The following BRINP1 variants were observed in gnomAD, a reference collection of about 807,000 sequenced individuals.
BRINP1 encodes BMP/retinoic acid inducible neural specific 1.
Under a neutral mutation model 72.9 loss-of-function variants are expected in BRINP1, and 17 were observed. That is an observed-to-expected ratio of 0.23 (90% CI 0.16 to 0.35). The LOEUF (loss-of-function observed/expected upper bound fraction) is 0.35. BRINP1 is among the 10% of genes least tolerant of loss of function. BRINP1 has a pLI of 1.00. For missense variants in BRINP1, 850 were observed against 1,001.6 expected (o/e 0.85, Z 2.04); for synonymous variants, 418 against 378.5 (o/e 1.10, Z -1.21).
At chr9:119,246,320 T>C (rs1830315894) in intron 3 of BRINP1, among the ~76,000 whole-genome samples, 1 of 152,154 alleles carries the variant, frequency 6.6e-6, no homozygotes, top group Non-Finnish European at 1.5e-5. Context: ...ATCATCTGTG[T>C]GGGTACAATC....
chr9:119,337,488 G>C (rs1038551119), intron 1 of BRINP1, among the ~76,000 whole-genome samples: 1 of 152,196 alleles, frequency 6.6e-6, no homozygotes, highest in South Asian at 2.1e-4. Context: ...CTCTAGCCCT[G>C]TGAGTGTCAA....
chr9:119,198,829 G>C (rs1228804552), intron 7 of BRINP1, among the ~76,000 whole-genome samples: 3 of 151,922 alleles, frequency 2.0e-5, no homozygotes, highest in East Asian at 3.9e-4. Flanking sequence ...GCATCACCAC[G>C]CCAGGCTGAT....
At chr9:119,169,506 T>C (rs1829373332) in intron 7 of BRINP1, among the ~76,000 whole-genome samples, 1 of 152,162 alleles carries the variant, frequency 6.6e-6, no homozygotes. Flanking sequence ...CGCTGATTGC[T>C]AGCGCAGCAG....
At chr9:119,229,337 C>A (rs1830125441) in intron 5 of BRINP1, among the ~76,000 whole-genome samples, 1 of 151,846 alleles carries the variant, frequency 6.6e-6, no homozygotes, top group Non-Finnish European at 1.5e-5. Flanking sequence ...TTAATCTAAG[C>A]CAGACATAAT....
At chr9:119,232,540 T>G (rs963610776) in intron 5 of BRINP1, among the ~76,000 whole-genome samples, 2 of 152,116 alleles carry the variant, frequency 1.3e-5, no homozygotes, top group Non-Finnish European at 2.9e-5. Context: ...TATAAAGAAG[T>G]TTTTTTATTT....
intron 5 of BRINP1, among the ~76,000 whole-genome samples, chr9:119,237,989 A>G (rs1830209225): frequency 6.6e-6 from 1 of 152,162 alleles, no homozygotes; most frequent in African/African-American, 2.4e-5. Flanking sequence ...AATTATTAAG[A>G]TCATGCCACC....
intron 1 of BRINP1, among the ~76,000 whole-genome samples, chr9:119,351,297 G>C (rs1418675811): frequency 6.6e-6 from 1 of 152,124 alleles, no homozygotes; most frequent in African/African-American, 2.4e-5. Flanking sequence ...GAGCTGCCCT[G>C]ATACGAAATG....
intron 7 of BRINP1, among the ~76,000 whole-genome samples, chr9:119,203,503 G>A (rs867972588): frequency 6.6e-6 from 1 of 152,196 alleles, no homozygotes; most frequent in African/African-American, 2.4e-5. Context: ...CATGTATTGA[G>A]TGCTATCCAT....
intron 2 of BRINP1, among the ~76,000 whole-genome samples, chr9:119,265,064 C>G (rs1213909150): frequency 6.6e-6 from 1 of 152,204 alleles, no homozygotes; most frequent in Non-Finnish European, 1.5e-5. Context: ...CAAACACACT[C>G]TAACTTCCAA....
At chr9:119,249,861 AGGGAGGGAGGG>A (rs1564228591) in intron 2 of BRINP1, among the ~76,000 whole-genome samples, 1 of 45,688 alleles carries the variant, frequency 2.2e-5, no homozygotes, top group African/African-American at 1.2e-4. Flanking sequence ...GAAGGGAGGG[AGGGAGGGAGGG>A]AGGGAAGGGA....
At chr9:119,315,541 G>A (rs556970121) in intron 1 of BRINP1, among the ~76,000 whole-genome samples, 36 of 151,708 alleles carry the variant, frequency 2.4e-4, no homozygotes, top group African/African-American at 4.6e-4. Flanking sequence ...TAATAACACC[G>A]AAATTAAGCC....
rs528523151 is a variant in BRINP1, at chr9:119,221,048, A to T, written c.686-6893T>A. ...TTGCTCTTTTCTGACCTATTTCATT[A>T]GATATTAAATACACGATTTCTTACA... On this transcript the variant is annotated intron_variant, in intron 5 of 7. Transcript: ENST00000265922. Among the ~76,000 whole-genome samples, 4 of 152,294 alleles carry T rather than the reference A, an allele frequency of 2.6e-5. No individual in the cohort carries two copies. The South Asian group carries it at 8.3e-4, about 32-fold the overall frequency.
chr9:119,255,876 A>G (rs1588179714), intron 2 of BRINP1, among the ~76,000 whole-genome samples: 1 of 140,910 alleles, frequency 7.1e-6, no homozygotes, highest in African/African-American at 2.6e-5. Flanking sequence ...AATCTCTTGA[A>G]CCCGGGAGGC....
intron 3 of BRINP1, among the ~76,000 whole-genome samples, chr9:119,247,805 A>G: frequency 6.6e-6 from 1 of 152,134 alleles, no homozygotes; most frequent in Non-Finnish European, 1.5e-5. Context: ...TTCCTTATTT[A>G]TAAAATGGAG....
At chr9:119,183,072 A>G (rs1355668790) in intron 7 of BRINP1, among the ~76,000 whole-genome samples, 3 of 152,254 alleles carry the variant, frequency 2.0e-5, no homozygotes, top group African/African-American at 7.2e-5. Flanking sequence ...ACTGCTAGGA[A>G]CAAAACTTGC....
intron 2 of BRINP1, among the ~76,000 whole-genome samples, chr9:119,306,239 C>G (rs546916393): frequency 6.6e-6 from 1 of 152,098 alleles, no homozygotes; most frequent in East Asian, 1.9e-4. Context: ...ACACTGTAAA[C>G]GTACCAATTT....
intron 2 of BRINP1, among the ~76,000 whole-genome samples, chr9:119,309,934 G>C (rs1831043634): frequency 6.6e-6 from 1 of 152,126 alleles, no homozygotes; most frequent in African/African-American, 2.4e-5. Flanking sequence ...AACAATAAAT[G>C]TATGAGTGAG....
chr9:119,175,118 AT>A (rs1158994818), intron 7 of BRINP1, among the ~76,000 whole-genome samples: 4,019 of 109,198 alleles, frequency 0.037, 125 homozygotes, highest in African/African-American at 0.13. Context: ...AAAGTAAAGT[AT>A]AAAAAAAAAA....
intron 2 of BRINP1, among the ~76,000 whole-genome samples, chr9:119,286,060 T>C (rs1830757592): frequency 6.6e-6 from 1 of 152,156 alleles, no homozygotes. Context: ...ATCATTAATA[T>C]GAATATCAGC....
Sources: gnomAD v4.1 joint callset for allele counts (sites outside exome capture counted in the v4.1 genomes callset) on GRCh38, gnomAD v4.1.1 for gene constraint, MANE v1.5 for transcripts, NCBI Gene and HGNC (gene_info 2026-07-23, HGNC 2026-07-21) for gene names.